WAPL: variants seen among roughly 807,000 people sequenced by gnomAD.
WAPL encodes wings apart-like protein homolog.
Under a neutral mutation model 121.0 loss-of-function variants are expected in WAPL, and 5 were observed. That is an observed-to-expected ratio of 0.04 (90% CI 0.02 to 0.09). The LOEUF is 0.09. Ranked by LOEUF, WAPL falls within the 10% of genes least tolerant of loss-of-function variation. WAPL has a pLI of 1.00. For missense variants in WAPL, 999 were observed against 1,410.8 expected (o/e 0.71, Z 4.68); for synonymous variants, 480 against 481.5 (o/e 1.00, Z 0.04).
intron 13 of WAPL, 125 bp downstream of exon 13, chr10:86,453,531 G>A (rs1387137660): frequency 2.6e-5 from 33 of 1,259,308 alleles, no homozygotes; most frequent in Non-Finnish European, 3.5e-5. Context: ...ACCTACACAT[G>A]AGTAAGTCAA....
At position 86,521,710 on chromosome 10, in the gene WAPL, T is replaced by C. The variant is rs1300979885; in HGVS notation, c.-368A>G. 1 of 463,854 alleles carries C rather than the reference T, an allele frequency of 2.2e-6. No individual in the cohort carries two copies. Among genetic ancestry groups the C allele is most frequent in the Non-Finnish European group, 4.5e-6 (1 of 224,534 alleles). 28.7% of individuals were successfully genotyped at this position (463,854 alleles called of 1,614,324 possible). The stretch of plus-strand genomic sequence containing the variant: ...GCCGGTGAATGGTCAGTGCTGGAGT[T>C]TGAACAGGGCCCTGAACCATCTCAA... On this transcript the variant is annotated 5_prime_UTR_variant, in exon 1 of 19. Coordinates refer to ENST00000298767, the MANE Select transcript of WAPL (RefSeq NM_015045.5).
chr10:86,439,050 G>A lies in WAPL; in HGVS notation c.3412-1035C>T, dbSNP rs187267611. Among the ~76,000 whole-genome samples the A allele has an allele frequency of 1.0e-3, 159 of 152,152 alleles. 1 individual carries two copies. Among genetic ancestry groups the A allele is most frequent in the African/African-American group, 3.6e-3 (149 of 41,520 alleles). On this transcript the variant is annotated intron_variant, in intron 17 of 18. Transcript: ENST00000298767. ...CCAAGTTTGGGGACACAAGGTAAAG[G>A]GTTAAACAAAACCAACCAAAAAACA...
intron 4 of WAPL, among the ~76,000 whole-genome samples, chr10:86,487,504 T>C (rs773569784): frequency 2.4e-4 from 37 of 152,204 alleles, no homozygotes; most frequent in Admixed American, 1.8e-3. Flanking sequence ...ACCCTCATCT[T>C]CTTTCTGAGT....
intron 11 of WAPL, among the ~76,000 whole-genome samples, chr10:86,459,634 C>T (rs1463863220): frequency 1.3e-5 from 2 of 152,196 alleles, no homozygotes; most frequent in Non-Finnish European, 2.9e-5. Flanking sequence ...ATACTCGCTG[C>T]AGTTCAACAG....
chr10:86,454,996 C>G (rs1841101188), intron 12 of WAPL, among the ~76,000 whole-genome samples: 1 of 147,438 alleles, frequency 6.8e-6, no homozygotes, highest in South Asian at 2.3e-4. Context: ...GCGTCTCCGC[C>G]CGGCAGCCAC....
rs1248757546 is a variant in WAPL, at chr10:86,437,466, C to T, written c.*77G>A. 5 of 1,475,596 alleles carry T rather than the reference C, an allele frequency of 3.4e-6. No individual in the cohort carries two copies. Among genetic ancestry groups the T allele is most frequent in the Non-Finnish European group, 3.7e-6 (4 of 1,077,970 alleles). 91.4% of individuals were successfully genotyped at this position (1,475,596 alleles called of 1,614,324 possible). Reference sequence around the variant, plus strand: ...AATGTTCTTGGTATATCTTCAAGGACTTCTTTCATGACTTGACTTTTCTTT... The same window carrying T: ...AATGTTCTTGGTATATCTTCAAGGATTTCTTTCATGACTTGACTTTTCTTT... On this transcript the variant is annotated 3_prime_UTR_variant, in exon 19 of 19. Coordinates refer to ENST00000298767, the MANE Select transcript of WAPL (RefSeq NM_015045.5).
chr10:86,455,912 T>C (rs539932464), intron 12 of WAPL, among the ~76,000 whole-genome samples: 1 of 152,146 alleles, frequency 6.6e-6, no homozygotes, highest in Admixed American at 6.5e-5. Flanking sequence ...AACAGAAACA[T>C]GTTTTCTAAA....
At chr10:86,519,278 T>G (rs1842623771) in intron 1 of WAPL, among the ~76,000 whole-genome samples, 1 of 152,212 alleles carries the variant, frequency 6.6e-6, no homozygotes, top group African/African-American at 2.4e-5. Flanking sequence ...CTTTGACCTT[T>G]CTACAGTTCA....
intron 16 of WAPL, among the ~76,000 whole-genome samples, chr10:86,445,048 C>T (rs991793340): frequency 6.6e-6 from 1 of 152,134 alleles, no homozygotes; most frequent in Admixed American, 6.5e-5. Flanking sequence ...CTGCGGCTTG[C>T]TTCCTACTGA....
chr10:86,442,112 C>T (rs1038812258), intron 17 of WAPL, among the ~76,000 whole-genome samples: 1 of 152,224 alleles, frequency 6.6e-6, no homozygotes, highest in Non-Finnish European at 1.5e-5. Context: ...CTGCAAACTC[C>T]GCCTCCAGGA....
intron 3 of WAPL, among the ~76,000 whole-genome samples, chr10:86,497,845 A>G (rs3858279): frequency 0.34 from 52,136 of 152,150 alleles, 9,636 homozygotes; most frequent in Non-Finnish European, 0.42. Flanking sequence ...ATGACCTAAT[A>G]TAACAAAGTT....
At chr10:86,475,652 G>A (rs567277302) in intron 4 of WAPL, among the ~76,000 whole-genome samples, 1 of 152,292 alleles carries the variant, frequency 6.6e-6, no homozygotes, top group Non-Finnish European at 1.5e-5. Context: ...GACTTGATCT[G>A]GCTTCCTGAG....
chr10:86,476,026 T>G (rs1014494270), intron 4 of WAPL, among the ~76,000 whole-genome samples: 3 of 152,084 alleles, frequency 2.0e-5, no homozygotes, highest in African/African-American at 7.2e-5. Flanking sequence ...CTACAAAAAA[T>G]AAAATTAAAG....
At chr10:86,477,855 G>A (rs1030489139) in intron 4 of WAPL, among the ~76,000 whole-genome samples, 2 of 151,696 alleles carry the variant, frequency 1.3e-5, no homozygotes, top group African/African-American at 2.4e-5. Flanking sequence ...CAAGGTGGGC[G>A]GATCACTTGA....
intron 4 of WAPL, among the ~76,000 whole-genome samples, chr10:86,486,354 T>C (rs1841931002): frequency 6.6e-6 from 1 of 152,162 alleles, no homozygotes; most frequent in African/African-American, 2.4e-5. Context: ...TCTCTTCAAT[T>C]GTAAGATTTT....
chr10:86,457,508 C>A, intron 12 of WAPL, among the ~76,000 whole-genome samples: 1 of 151,778 alleles, frequency 6.6e-6, no homozygotes, highest in Non-Finnish European at 1.5e-5. Context: ...CAAAAATTAG[C>A]CAAGTGTGGT....
Position 86,497,191 on chromosome 10 carries a change from C to CT in WAPL, c.1644+9dup. On this transcript the variant is annotated intron_variant, in intron 4 of 18. Coordinates refer to ENST00000298767, the MANE Select transcript of WAPL (RefSeq NM_015045.5). ...TAAATAATAAAAATCACTGACAGTGCTTTACTTACCCGTTTGGGGCCACTA... is the reference window on the plus strand; with the variant it reads ...TAAATAATAAAAATCACTGACAGTGCTTTTACTTACCCGTTTGGGGCCACTA... 1.9e-6 allele frequency: 3 copies of CT among 1,583,854 alleles called. No homozygotes were observed. Among genetic ancestry groups the CT allele is most frequent in the Non-Finnish European group, 1.7e-6 (2 of 1,157,368 alleles).
chr10:86,463,151 C>G (rs1024212846), intron 9 of WAPL, among the ~76,000 whole-genome samples: 1 of 152,186 alleles, frequency 6.6e-6, no homozygotes, highest in African/African-American at 2.4e-5. Context: ...GAACAGGCCG[C>G]AAGATGGCTC....
intron 16 of WAPL, 111 bp from the exon 17 acceptor site, chr10:86,443,474 T>C: frequency 1.3e-6 from 1 of 798,854 alleles, no homozygotes; most frequent in Non-Finnish European, 2.0e-6. Flanking sequence ...AATCAACGAA[T>C]GATGCTAGGA....
Sources: gnomAD v4.1 joint callset for allele counts (sites outside exome capture counted in the v4.1 genomes callset) on GRCh38, gnomAD v4.1.1 for gene constraint, MANE v1.5 for transcripts, NCBI Gene and HGNC (gene_info 2026-07-23, HGNC 2026-07-21) for gene names.